ACSS3: variants seen among roughly 807,000 people sequenced by gnomAD.
The protein encoded by ACSS3 is acyl-CoA synthetase short chain family member 3, also known as acyl-CoA synthetase short-chain family member 3, mitochondrial.
ACSS3 carries 64 observed loss-of-function variants against 84.2 expected under a neutral mutation model. That is an observed-to-expected ratio of 0.76 (90% CI 0.62 to 0.94). The LOEUF (loss-of-function observed/expected upper bound fraction) is 0.94, where lower values mean the gene tolerates loss of function less well. Among genes scored for constraint, ACSS3 ranks in the 40% least tolerant of loss-of-function variants. The pLI, the probability that ACSS3 is intolerant of heterozygous loss-of-function variation, is 0.00. For synonymous variants in ACSS3, 317 were observed against 310.1 expected, an observed-to-expected ratio of 1.02 and a Z score of -0.23; for missense variants, 815 against 867.6, an observed-to-expected ratio of 0.94 and a Z score of 0.76.
At chr12:81,176,141 AT>A (rs1294683902) in intron 8 of ACSS3, among the ~76,000 whole-genome samples, 2 of 152,254 alleles carry the variant, frequency 1.3e-5, no homozygotes. Flanking sequence ...CCAAATAAAC[AT>A]AATCAGAAAT....
chr12:81,174,701 ATTG>A (rs1471655797), intron 7 of ACSS3, 84 bp from the exon 8 acceptor site: 1 of 1,334,440 alleles, frequency 7.5e-7, no homozygotes, highest in East Asian at 2.4e-5. Context: ...TATTATTAAT[ATTG>A]TTGTGTTAAA....
chr12:81,239,867 C>T (rs2033738992), intron 13 of ACSS3, among the ~76,000 whole-genome samples: 1 of 151,870 alleles, frequency 6.6e-6, no homozygotes, highest in South Asian at 2.1e-4. Context: ...ATAACAGCAA[C>T]AATATGTGTG....
intron 13 of ACSS3, 109 bp from the exon 14 acceptor site, chr12:81,253,198 A>G (rs2034205056): frequency 8.2e-7 from 1 of 1,214,060 alleles, no homozygotes; most frequent in African/African-American, 1.5e-5. Flanking sequence ...TTTTTCCCCA[A>G]CTGAAATTAT....
chr12:81,188,059 A>T (rs2031368924), intron 8 of ACSS3, among the ~76,000 whole-genome samples: 1 of 151,974 alleles, frequency 6.6e-6, no homozygotes, highest in East Asian at 1.9e-4. Flanking sequence ...GGCTAAAAAA[A>T]CTTATACTTT....
chr12:81,144,419 A>G (rs753019568), intron 5 of ACSS3, among the ~76,000 whole-genome samples: 1 of 152,202 alleles, frequency 6.6e-6, no homozygotes, highest in Non-Finnish European at 1.5e-5. Context: ...ATATTTCTGC[A>G]TATTGAAGAT....
Position 81,254,921 on chromosome 12 carries a change from A to T in ACSS3, c.2060A>T (p.Ter687LeuextTer1). Residue 687 changes from the stop codon to leucine (L), a stop_lost, in exon 16 of 16, where the codon TAA becomes TTA. Transcript: ENST00000548058. ...GHVEEMLKQA[*>L] is the part of the protein sequence containing the mutation. ...GTAGAAGAAATGCTGAAGCAAGCATAATGAGTTTGTCTTATTCCTATTTTG... is the reference window on the plus strand; with the variant it reads ...GTAGAAGAAATGCTGAAGCAAGCATTATGAGTTTGTCTTATTCCTATTTTG... The T allele has an allele frequency of 6.2e-7, 1 of 1,600,076 alleles. No homozygotes were observed. Among genetic ancestry groups the T allele is most frequent in the South Asian group, 1.1e-5 (1 of 88,292 alleles).
At position 81,173,031 on chromosome 12, in the gene ACSS3, G is replaced by A. The variant is rs147297790; in HGVS notation, c.1099-1757G>A. Among the ~76,000 whole-genome samples, 287 of 152,304 alleles carry A rather than the reference G, an allele frequency of 1.9e-3. 3 individuals carry two copies. Among genetic ancestry groups the A allele is most frequent in the African/African-American group, 6.7e-3 (277 of 41,572 alleles). Reference sequence around the variant, plus strand: ...GCAAGTAAATGGAAGCATAGACAGGGTAAGTCAGTTGCACAAGGTCAATTA... The same window carrying A: ...GCAAGTAAATGGAAGCATAGACAGGATAAGTCAGTTGCACAAGGTCAATTA... On this transcript the variant is annotated intron_variant, in intron 7 of 15. Transcript: ENST00000548058.
intron 8 of ACSS3, among the ~76,000 whole-genome samples, chr12:81,193,453 A>G (rs929164286): frequency 2.0e-5 from 3 of 151,618 alleles, no homozygotes; most frequent in Admixed American, 6.6e-5. Context: ...TCATTTTTCC[A>G]TTTCCCTTTT....
chr12:81,187,464 G>C (rs1410049764), intron 8 of ACSS3, among the ~76,000 whole-genome samples: 1 of 151,764 alleles, frequency 6.6e-6, no homozygotes, highest in African/African-American at 2.4e-5. Flanking sequence ...CTCATATTCA[G>C]AGCTAATACT....
intron 11 of ACSS3, 42 bp downstream of exon 11, chr12:81,220,118 CTG>C: frequency 7.6e-7 from 1 of 1,323,286 alleles, no homozygotes; most frequent in Non-Finnish European, 1.0e-6. Context: ...AGGGCAAAAA[CTG>C]GTGTATATAC....
intron 3 of ACSS3, 47 bp downstream of exon 3, chr12:81,135,051 A>G (rs537755068): frequency 6.8e-7 from 1 of 1,463,636 alleles, no homozygotes; most frequent in East Asian, 2.4e-5. Context: ...TGTATAATTT[A>G]GTCATATTTA....
At chr12:81,155,809 G>A (rs1886834613) in intron 7 of ACSS3, among the ~76,000 whole-genome samples, 1 of 152,078 alleles carries the variant, frequency 6.6e-6, no homozygotes, top group Admixed American at 6.6e-5. Flanking sequence ...CATATTTCAG[G>A]TTATCATTAG....
chr12:81,257,508 C>T lies in ACSS3; in HGVS notation c.*2586C>T, dbSNP rs1015819615. On this transcript the variant is annotated 3_prime_UTR_variant, in exon 16 of 16. Coordinates refer to ENST00000548058, the MANE Select transcript of ACSS3 (RefSeq NM_024560.4). ...GCTAGAATAAATTCTGTGAGGTCTT[C>T]GTTTGGTATTTTCATAGGATTTCTT... 6.6e-6 allele frequency: 1 copy of T among 152,096 alleles called. No homozygotes were observed. Among genetic ancestry groups the T allele is most frequent in the African/African-American group, 2.4e-5 (1 of 41,518 alleles). 9.4% of individuals were successfully genotyped at this position (152,096 alleles called of 1,614,324 possible).
At chr12:81,245,029 T>C (rs576583659) in intron 13 of ACSS3, among the ~76,000 whole-genome samples, 1 of 152,308 alleles carries the variant, frequency 6.6e-6, no homozygotes, top group East Asian at 1.9e-4. Context: ...CTTCAGTAAG[T>C]AGGCCTTTGC....
rs1555176594 is a variant in ACSS3, at chr12:81,156,206, A to ACC, written c.1098+4113_1098+4114dup. ...GGAAAACACACACACACACACACAC[A>ACC]CCCCACACACACACACACACACACG... On this transcript the variant is annotated intron_variant, in intron 7 of 15. Transcript: ENST00000548058. 3.5e-4 allele frequency among the ~76,000 whole-genome samples: 42 copies of ACC among 120,338 alleles called. 2 individuals are homozygous for ACC. The highest frequency in any genetic ancestry group is 1.1e-3 in the African/African-American group (40 of 38,076). The allele number at this position is 120,338 out of a possible 152,430, so 78.9% of individuals were successfully genotyped here.
At chr12:81,211,273 T>C (rs2032580992) in intron 9 of ACSS3, among the ~76,000 whole-genome samples, 1 of 152,110 alleles carries the variant, frequency 6.6e-6, no homozygotes, top group South Asian at 2.1e-4. Context: ...AGCCTCTTTT[T>C]TTTTAATTTT....
intron 8 of ACSS3, among the ~76,000 whole-genome samples, chr12:81,192,802 C>T (rs2031638699): frequency 7.2e-5 from 11 of 152,146 alleles, no homozygotes; most frequent in Admixed American, 7.2e-4. Flanking sequence ...GCAAGTGTCC[C>T]AAGAAGGAAA....
intron 1 of ACSS3, among the ~76,000 whole-genome samples, chr12:81,101,653 C>T (rs977534685): frequency 5.3e-5 from 8 of 152,062 alleles, no homozygotes; most frequent in Admixed American, 2.0e-4. Context: ...TTAATAGATA[C>T]TGATTTTGAG....
At chr12:81,178,642 G>C (rs1353673171) in intron 8 of ACSS3, among the ~76,000 whole-genome samples, 1 of 152,092 alleles carries the variant, frequency 6.6e-6, no homozygotes, top group Non-Finnish European at 1.5e-5. Flanking sequence ...ATAGAAATTA[G>C]TGATGACACA....
Sources: gnomAD v4.1 joint callset for allele counts (sites outside exome capture counted in the v4.1 genomes callset) on GRCh38, gnomAD v4.1.1 for gene constraint, MANE v1.5 for transcripts, NCBI Gene and HGNC (gene_info 2026-07-23, HGNC 2026-07-21) for gene names.